The following LRP12 variants were observed in gnomAD, a reference collection of about 807,000 sequenced individuals.
LRP12 encodes the protein low-density lipoprotein receptor-related protein 12.
In LRP12, 14 loss-of-function variants were observed where a neutral mutation model predicts 66.0. The ratio of observed to expected loss-of-function variants is 0.21; its 90% CI spans 0.14 to 0.33. LRP12 has a LOEUF of 0.33. Ranked by LOEUF, LRP12 falls within the 10% of genes least tolerant of loss-of-function variation. The probability of loss-of-function intolerance (pLI) is 1.00; values close to 1 mark genes in which losing one functional copy is unlikely to be tolerated. For synonymous variants in LRP12, 357 were observed against 359.1 expected (o/e 0.99, Z 0.07); for missense variants, 889 against 1,053.4 (o/e 0.84, Z 2.16).
At chr8:104,525,959 A>G (rs1021549196) in intron 2 of LRP12, among the ~76,000 whole-genome samples, 11 of 152,206 alleles carry the variant, frequency 7.2e-5, no homozygotes, top group African/African-American at 2.7e-4. Flanking sequence ...AAATCTCCTT[A>G]AGCTGATAAG....
chr8:104,547,883 C>G (rs1351825663), intron 1 of LRP12, among the ~76,000 whole-genome samples: 2 of 121,550 alleles, frequency 1.6e-5, no homozygotes, highest in Non-Finnish European at 3.2e-5. Flanking sequence ...TGTTATATTA[C>G]ATTTTGTATA....
At chr8:104,570,398 T>C (rs1406869643) in intron 1 of LRP12, among the ~76,000 whole-genome samples, 2 of 152,140 alleles carry the variant, frequency 1.3e-5, no homozygotes, top group East Asian at 3.8e-4. Context: ...GCTACAGTAA[T>C]TAAGAAAGTG....
intron 1 of LRP12, among the ~76,000 whole-genome samples, chr8:104,560,991 A>T (rs1235255774): frequency 6.6e-6 from 1 of 152,144 alleles, no homozygotes; most frequent in Admixed American, 6.6e-5. Context: ...TAGCTCAAGG[A>T]TCAGGAAGCC....
At chr8:104,587,811 G>A (rs967479982) in intron 1 of LRP12, among the ~76,000 whole-genome samples, 2 of 152,176 alleles carry the variant, frequency 1.3e-5, no homozygotes, top group African/African-American at 4.8e-5. Flanking sequence ...ATTTACCAAA[G>A]TAATGATATC....
intron 1 of LRP12, among the ~76,000 whole-genome samples, chr8:104,547,145 A>G (rs1195749790): frequency 1.4e-5 from 2 of 144,648 alleles, no homozygotes; most frequent in Admixed American, 1.4e-4. Flanking sequence ...ATAATATACA[A>G]TTCTATGTTA....
At chr8:104,572,755 A>C (rs1812102089) in intron 1 of LRP12, among the ~76,000 whole-genome samples, 1 of 152,140 alleles carries the variant, frequency 6.6e-6, no homozygotes, top group Admixed American at 6.5e-5. Flanking sequence ...AGCAAAACTG[A>C]CTCAAGGATG....
intron 2 of LRP12, among the ~76,000 whole-genome samples, chr8:104,529,433 C>A (rs1811293272): frequency 6.6e-6 from 1 of 151,932 alleles, no homozygotes; most frequent in Admixed American, 6.6e-5. Context: ...ATCTGAAATT[C>A]AGAAGAAAAA....
chr8:104,497,539 T>G lies in LRP12; in HGVS notation c.1013A>C (p.His338Pro). 1.2e-6 allele frequency: 2 copies of G among 1,613,956 alleles called. No homozygotes were observed. Among genetic ancestry groups the G allele is most frequent in the Non-Finnish European group, 1.7e-6 (2 of 1,179,960 alleles). Residue 338 changes from histidine to proline, a missense_variant, in exon 5 of 7, where the codon CAT (histidine) becomes CCT (proline). Coordinates refer to ENST00000276654, the MANE Select transcript of LRP12 (RefSeq NM_013437.5). The surrounding 1 kb of genome is among the most constrained non-coding windows in gnomAD (Gnocchi z 4.3). Reference protein sequence around the residue: ...LLRVLTAFDSHAPLTVVSSSG... With the variant: ...LLRVLTAFDSPAPLTVVSSSG... ...AGAAGAAACAACTGTAAGAGGTGCA[T>G]GAGAATCAAAAGCTGTCAACACACG...
chr8:104,514,607 C>T (rs1211211550), intron 2 of LRP12, among the ~76,000 whole-genome samples: 1 of 149,684 alleles, frequency 6.7e-6, no homozygotes, highest in African/African-American at 2.5e-5. Flanking sequence ...CCCAGCTACT[C>T]AGGAGGCTGA....
intron 1 of LRP12, among the ~76,000 whole-genome samples, chr8:104,570,053 C>A (rs1468764177): frequency 6.6e-6 from 1 of 152,052 alleles, no homozygotes; most frequent in African/African-American, 2.4e-5. Context: ...ATAACTCCCC[C>A]CAAATGAAAT....
chr8:104,546,829 G>A (rs946238666), intron 1 of LRP12, among the ~76,000 whole-genome samples: 4 of 148,978 alleles, frequency 2.7e-5, no homozygotes, highest in East Asian at 2.0e-4. Flanking sequence ...CCTGTCATTC[G>A]GAGACTGATC....
chr8:104,573,992 G>A (rs1374610260), intron 1 of LRP12, among the ~76,000 whole-genome samples: 1 of 152,094 alleles, frequency 6.6e-6, no homozygotes, highest in Admixed American at 6.5e-5. Flanking sequence ...ATGCAAAAAT[G>A]ATTCAACATT....
chr8:104,557,184 C>G (rs1050412061), intron 1 of LRP12, among the ~76,000 whole-genome samples: 13 of 152,118 alleles, frequency 8.5e-5, no homozygotes, highest in African/African-American at 3.1e-4. Flanking sequence ...GAAAGCATTT[C>G]CCCTGAGAAC....
chr8:104,583,448 T>C (rs1812286060), intron 1 of LRP12, among the ~76,000 whole-genome samples: 1 of 152,198 alleles, frequency 6.6e-6, no homozygotes, highest in African/African-American at 2.4e-5. Flanking sequence ...ATGCTTTAGG[T>C]CTCATAAACG....
At chr8:104,519,348 A>G (rs1811115664) in intron 2 of LRP12, among the ~76,000 whole-genome samples, 1 of 152,064 alleles carries the variant, frequency 6.6e-6, no homozygotes, top group Non-Finnish European at 1.5e-5. Context: ...ATTCTTTTTA[A>G]AAAAGAAGTT....
At chr8:104,509,789 T>C (rs909929266) in intron 2 of LRP12, among the ~76,000 whole-genome samples, 1 of 152,134 alleles carries the variant, frequency 6.6e-6, no homozygotes, top group Non-Finnish European at 1.5e-5. Flanking sequence ...AAAAAGAAAT[T>C]CATGCTAGTT....
In LRP12 at chr8:104,494,609, A is replaced by G. The variant is rs140322848; in HGVS notation, c.1713+468T>C. ...ATTCAGAAACATATAATGAATTACT[A>G]TATAAACAAAATGCTATAAATTGTT... On this transcript the variant is annotated intron_variant, in intron 6 of 6. Transcript: ENST00000276654. Among the ~76,000 whole-genome samples, 8 of 152,318 alleles carry G rather than the reference A, an allele frequency of 5.3e-5. No individual in the cohort carries two copies. The East Asian group carries it at 1.5e-3, about 29-fold the overall frequency.
chr8:104,508,853 T>C, intron 3 of LRP12, 86 bp downstream of exon 3: 1 of 1,241,058 alleles, frequency 8.1e-7, no homozygotes, highest in Non-Finnish European at 1.1e-6. Context: ...CTTCTTTTTA[T>C]ATTACTGCAT....
chr8:104,556,044 C>T (rs1423686916), intron 1 of LRP12, among the ~76,000 whole-genome samples: 2 of 152,106 alleles, frequency 1.3e-5, no homozygotes, highest in Non-Finnish European at 2.9e-5. Flanking sequence ...AATTAAATAA[C>T]CTGTTCCTGA....
Sources: gnomAD v4.1 joint callset for allele counts (sites outside exome capture counted in the v4.1 genomes callset) on GRCh38, gnomAD v4.1.1 for gene constraint, Gnocchi (gnomAD v3.1) non-coding constraint, MANE v1.5 for transcripts, NCBI Gene and HGNC (gene_info 2026-07-23, HGNC 2026-07-21) for gene names.